RPSA2: variants seen among roughly 807,000 people sequenced by gnomAD.
The protein encoded by RPSA2 is small ribosomal subunit protein uS2B.
the RPSA2 span, among the ~76,000 whole-genome samples, chr19:23,853,563 G>C: frequency 0.98 from 149,032 of 152,360 alleles, 72,981 homozygotes; most frequent in Middle Eastern, 1. Flanking sequence ...AAGGGATAAC[G>C]TAAACCATCC....
the RPSA2 span, chr19:23,758,993 C>G: frequency 1.4e-5 from 8 of 579,844 alleles, no homozygotes; most frequent in Middle Eastern, 9.0e-4. Flanking sequence ...GATTAAAACC[C>G]CACCCCTCAG....
the RPSA2 span, among the ~76,000 whole-genome samples, chr19:23,868,739 G>A: frequency 6.6e-6 from 1 of 152,182 alleles, no homozygotes; most frequent in South Asian, 2.1e-4. Context: ...ACAAGGGTAT[G>A]CTTATGTTTT....
chr19:23,774,579 C>G, the RPSA2 span, among the ~76,000 whole-genome samples: 1 of 152,138 alleles, frequency 6.6e-6, no homozygotes, highest in African/African-American at 2.4e-5. Flanking sequence ...CCTGTATGGA[C>G]CCTGACAACA....
chr19:23,850,610 G>A, the RPSA2 span, among the ~76,000 whole-genome samples: 3 of 151,304 alleles, frequency 2.0e-5, no homozygotes, highest in African/African-American at 7.3e-5. Flanking sequence ...CTCCTAGTGG[G>A]CACCCAGACA....
the RPSA2 span, among the ~76,000 whole-genome samples, chr19:23,777,359 G>A: frequency 7.2e-5 from 11 of 152,062 alleles, no homozygotes; most frequent in African/African-American, 2.7e-4. Context: ...TTTGCCTACA[G>A]GGGTATGATG....
chr19:23,841,789 C>A, the RPSA2 span, among the ~76,000 whole-genome samples: 2 of 152,198 alleles, frequency 1.3e-5, no homozygotes, highest in Admixed American at 6.5e-5. Flanking sequence ...CGGCTGAGAG[C>A]TAAGTATGAG....
the RPSA2 span, chr19:23,832,888 A>G: frequency 1.9e-6 from 3 of 1,568,896 alleles, no homozygotes; most frequent in Non-Finnish European, 2.6e-6. Context: ...GAAACCCTAC[A>G]AATGTGAGGA....
At chr19:23,792,677 G>C in the RPSA2 span, among the ~76,000 whole-genome samples, 1 of 151,362 alleles carries the variant, frequency 6.6e-6, no homozygotes, top group African/African-American at 2.4e-5. Context: ...ACCAAGCCCG[G>C]CTAATTTTTG....
chr19:23,821,823 C>T, the RPSA2 span, among the ~76,000 whole-genome samples: 11 of 152,218 alleles, frequency 7.2e-5, no homozygotes, highest in African/African-American at 2.4e-4. Flanking sequence ...ACATTCGCGT[C>T]CCTTTACAAT....
the RPSA2 span, among the ~76,000 whole-genome samples, chr19:23,839,721 A>G: frequency 6.6e-6 from 1 of 152,014 alleles, no homozygotes; most frequent in Non-Finnish European, 1.5e-5. Context: ...TCCCTCTCCC[A>G]TGGATTCCTG....
At chr19:23,818,596 C>T in the RPSA2 span, 1 of 152,318 alleles carries the variant, frequency 6.6e-6, no homozygotes, top group African/African-American at 2.4e-5. Flanking sequence ...CTTGCAGTAT[C>T]ATTCGTAATG....
At chr19:23,848,881 G>A in the RPSA2 span, among the ~76,000 whole-genome samples, 2 of 152,206 alleles carry the variant, frequency 1.3e-5, no homozygotes, top group Non-Finnish European at 2.9e-5. Flanking sequence ...CACTCCAGCA[G>A]TGGTGACCAG....
chr19:23,852,501 A>G, the RPSA2 span, among the ~76,000 whole-genome samples: 2 of 152,228 alleles, frequency 1.3e-5, no homozygotes, highest in Non-Finnish European at 2.9e-5. Flanking sequence ...TAAACTAACT[A>G]AAAGTATCCC....
chr19:23,833,036 A>G, the RPSA2 span: 2 of 1,375,780 alleles, frequency 1.5e-6, no homozygotes, highest in East Asian at 3.4e-5. Flanking sequence ...AAGAGAATTC[A>G]TACTGGAAAG....
the RPSA2 span, among the ~76,000 whole-genome samples, chr19:23,847,966 C>T: frequency 3.3e-5 from 5 of 152,132 alleles, no homozygotes; most frequent in East Asian, 9.6e-4. Flanking sequence ...GGCAGTCAGA[C>T]CTTATGGTTG....
At chr19:23,867,802 C>G in the RPSA2 span, among the ~76,000 whole-genome samples, 1 of 147,468 alleles carries the variant, frequency 6.8e-6, no homozygotes, top group Non-Finnish European at 1.5e-5. Flanking sequence ...TGCACTCCAG[C>G]CTGGGCGACA....
At chr19:23,759,165 A>C in the RPSA2 span, among the ~76,000 whole-genome samples, 2 of 152,192 alleles carry the variant, frequency 1.3e-5, no homozygotes, top group South Asian at 4.2e-4. Flanking sequence ...CATTTCAAAT[A>C]ATATACTAGA....
At chr19:23,850,238 A>G in the RPSA2 span, among the ~76,000 whole-genome samples, 1 of 149,278 alleles carries the variant, frequency 6.7e-6, no homozygotes, top group African/African-American at 2.5e-5. Flanking sequence ...AAGCCTAATA[A>G]GAATAAGTAT....
At chr19:23,836,731 G>A in the RPSA2 span, among the ~76,000 whole-genome samples, 106 of 152,116 alleles carry the variant, frequency 7.0e-4, no homozygotes, top group Middle Eastern at 3.4e-3. Context: ...GAGTGGTATC[G>A]CATTGTGGTT....
Sources: gnomAD v4.1 joint callset for allele counts (sites outside exome capture counted in the v4.1 genomes callset) on GRCh38, gnomAD v4.1.1 for gene constraint, MANE v1.5 for transcripts, NCBI Gene and HGNC (gene_info 2026-07-23, HGNC 2026-07-21) for gene names.